Variants in FXYD6 observed in about 807,000 individuals in gnomAD.
The protein encoded by FXYD6 is FXYD domain containing ion transport regulator 6, also known as FXYD domain-containing ion transport regulator 6.
In FXYD6, 7 loss-of-function variants were observed where a neutral mutation model predicts 16.7. The observed-to-expected ratio is 0.42, with a 90% CI of 0.24 to 0.79. The LOEUF is 0.79. FXYD6 is among the 30% of genes least tolerant of loss of function. The probability of loss-of-function intolerance (pLI) is 0.28; values close to 1 mark genes in which losing one functional copy is unlikely to be tolerated. For synonymous variants in FXYD6, 49 were observed against 43.0 expected (o/e 1.14, Z -0.54); for missense variants, 111 against 116.2 (o/e 0.95, Z 0.21).
At chr11:117,855,941 C>A (rs146264681) in intron 1 of FXYD6, among the ~76,000 whole-genome samples, 2 of 152,236 alleles carry the variant, frequency 1.3e-5, no homozygotes, top group African/African-American at 2.4e-5. Flanking sequence ...ACCAATCACA[C>A]GTTGCTGCCT....
At chr11:117,852,194 T>G (rs1011116869) in intron 1 of FXYD6, among the ~76,000 whole-genome samples, 1 of 152,220 alleles carries the variant, frequency 6.6e-6, no homozygotes, top group Non-Finnish European at 1.5e-5. Context: ...CAGTCAATTC[T>G]CTTATCAGAC....
chr11:117,869,135 T>C (rs1399360514), intron 1 of FXYD6: 1 of 152,188 alleles, frequency 6.6e-6, no homozygotes, highest in East Asian at 1.9e-4. Flanking sequence ...TAACTTGAAA[T>C]GATTGCCCGC....
intron 1 of FXYD6, among the ~76,000 whole-genome samples, chr11:117,854,592 G>C (rs1028679395): frequency 1.3e-5 from 2 of 152,210 alleles, no homozygotes; most frequent in Non-Finnish European, 2.9e-5. Context: ...TGGTGGCAAA[G>C]GGCTCTGATC....
intron 1 of FXYD6, among the ~76,000 whole-genome samples, chr11:117,865,550 T>C (rs1046385940): frequency 2.0e-5 from 3 of 152,166 alleles, no homozygotes; most frequent in African/African-American, 7.2e-5. Flanking sequence ...GGAAGGAAAT[T>C]CCAACACATG....
rs1270698312 is a variant in FXYD6 at position 117,841,201 on chromosome 11, C to A, written c.173-17G>T. 1.2e-6 allele frequency: 2 copies of A among 1,614,114 alleles called. No individual in the cohort carries two copies. The highest frequency in any genetic ancestry group is 1.7e-5 in the Admixed American group (1 of 60,006). ...ACCTGCGACCTGAAAAGCAAAGAAACCATCCAAGGTCATGCTGCTGGCTTG... is the reference window on the plus strand; with the variant it reads ...ACCTGCGACCTGAAAAGCAAAGAAAACATCCAAGGTCATGCTGCTGGCTTG... On this transcript the variant is annotated splice_polypyrimidine_tract_variant and intron_variant, in intron 4 of 7. Coordinates refer to ENST00000526014, the MANE Select transcript of FXYD6 (RefSeq NM_022003.4).
intron 1 of FXYD6, among the ~76,000 whole-genome samples, chr11:117,863,498 C>T (rs2056951345): frequency 6.6e-6 from 1 of 151,018 alleles, no homozygotes; most frequent in South Asian, 2.1e-4. Context: ...AAACCCACAG[C>T]AAACATCACA....
chr11:117,854,652 C>A (rs1207555824), intron 1 of FXYD6, among the ~76,000 whole-genome samples: 1 of 152,122 alleles, frequency 6.6e-6, no homozygotes, highest in Admixed American at 6.5e-5. Flanking sequence ...CGCCATGCAA[C>A]AATAGTCCAG....
At chr11:117,871,978 G>A (rs944777896) in intron 1 of FXYD6, among the ~76,000 whole-genome samples, 1 of 152,238 alleles carries the variant, frequency 6.6e-6, no homozygotes, top group African/African-American at 2.4e-5. Flanking sequence ...GAAGGTGCCT[G>A]CAGAGGTGGC....
chr11:117,844,866 A>T (rs570777947), intron 1 of FXYD6, among the ~76,000 whole-genome samples: 127 of 152,380 alleles, frequency 8.3e-4, no homozygotes, highest in African/African-American at 3.0e-3. Context: ...AATTTCAGTT[A>T]TGCAAAATGA....
chr11:117,853,167 G>A (rs2056646376), intron 1 of FXYD6, among the ~76,000 whole-genome samples: 1 of 152,080 alleles, frequency 6.6e-6, no homozygotes, highest in African/African-American at 2.4e-5. Context: ...GTTTTTTCCT[G>A]TGTTTGGTAA....
At chr11:117,844,331 A>G (rs771903513) in intron 1 of FXYD6, 15 of 152,222 alleles carry the variant, frequency 9.9e-5, no homozygotes, top group Non-Finnish European at 1.3e-4. Context: ...TAACATACAC[A>G]TATAATGAGG....
chr11:117,867,636 C>T (rs1285918652), intron 1 of FXYD6, among the ~76,000 whole-genome samples: 1 of 152,192 alleles, frequency 6.6e-6, no homozygotes, highest in Admixed American at 6.5e-5. Flanking sequence ...ATATGAAAAT[C>T]TCTAAGTGTA....
At chr11:117,845,041 A>G (rs2056440260) in intron 1 of FXYD6, among the ~76,000 whole-genome samples, 3 of 152,202 alleles carry the variant, frequency 2.0e-5, no homozygotes, top group Admixed American at 6.5e-5. Context: ...AAACTGTACA[A>G]TTCAGTGATT....
chr11:117,857,253 G>A (rs2056753139), intron 1 of FXYD6, among the ~76,000 whole-genome samples: 1 of 152,202 alleles, frequency 6.6e-6, no homozygotes, highest in South Asian at 2.1e-4. Context: ...GTAAATACGT[G>A]ATGAGAACAG....
intron 1 of FXYD6, among the ~76,000 whole-genome samples, chr11:117,847,835 G>T (rs925658344): frequency 6.6e-6 from 1 of 152,198 alleles, no homozygotes; most frequent in South Asian, 2.1e-4. Context: ...ACGTGTGCAT[G>T]TGTCTTTGTA....
At chr11:117,852,025 T>C (rs1229273986) in intron 1 of FXYD6, among the ~76,000 whole-genome samples, 1 of 152,228 alleles carries the variant, frequency 6.6e-6, no homozygotes, top group Non-Finnish European at 1.5e-5. Flanking sequence ...TGAGACAGGC[T>C]ACGGAGAGAA....
intron 1 of FXYD6, among the ~76,000 whole-genome samples, chr11:117,858,715 CCT>C (rs534995670): frequency 0.018 from 1,776 of 99,302 alleles, 125 homozygotes; most frequent in African/African-American, 0.052. Context: ...CTCTCTCTCT[CCT>C]TCCTTCCCTT....
At chr11:117,841,543 CT>C (rs2056343773) in intron 4 of FXYD6, 1 of 600,388 alleles carries the variant, frequency 1.7e-6, no homozygotes, top group Non-Finnish European at 3.0e-6. Flanking sequence ...AGACACAGCA[CT>C]GGGAAGCCAC....
In FXYD6 at chr11:117,870,211, C is replaced by T. The variant is rs1485430870; in HGVS notation, c.-6+6381G>A. ...GGAGTCAGAGTGGGATTCAGGCCTCCTGCCTGCCAGCACAGGGGCTGAGGC... is the reference window on the plus strand; with the variant it reads ...GGAGTCAGAGTGGGATTCAGGCCTCTTGCCTGCCAGCACAGGGGCTGAGGC... On this transcript the variant is annotated intron_variant, in intron 1 of 7. Transcript: ENST00000526014. The surrounding 1 kb of genome is among the most constrained non-coding windows in gnomAD (Gnocchi z 4.2). Among the ~76,000 whole-genome samples, 1 of 152,278 alleles carries T rather than the reference C, an allele frequency of 6.6e-6. No individual in the cohort carries two copies. The highest frequency in any genetic ancestry group is 6.5e-5 in the Admixed American group (1 of 15,294).
Sources: gnomAD v4.1 joint callset for allele counts (sites outside exome capture counted in the v4.1 genomes callset) on GRCh38, gnomAD v4.1.1 for gene constraint, Gnocchi (gnomAD v3.1) non-coding constraint, MANE v1.5 for transcripts, NCBI Gene and HGNC (gene_info 2026-07-23, HGNC 2026-07-21) for gene names.